The following IL23R variants were observed in gnomAD, a reference collection of about 807,000 sequenced individuals.
The protein encoded by IL23R is interleukin-23 receptor.
Under a neutral mutation model 56.9 loss-of-function variants are expected in IL23R, and 34 were observed. That is an observed-to-expected ratio of 0.60 (90% CI 0.45 to 0.80). IL23R has a LOEUF of 0.80. Among genes scored for constraint, IL23R ranks in the 30% least tolerant of loss-of-function variants. The probability of loss-of-function intolerance (pLI) is 0.00; values close to 1 mark genes in which losing one functional copy is unlikely to be tolerated. For synonymous variants in IL23R, 230 were observed against 249.2 expected (o/e 0.92, Z 0.73); for missense variants, 635 against 730.0 (o/e 0.87, Z 1.50).
chr1:67,226,789 G>A (rs1301151828), intron 7 of IL23R, among the ~76,000 whole-genome samples: 1 of 152,136 alleles, frequency 6.6e-6, no homozygotes, highest in Admixed American at 6.5e-5. Flanking sequence ...AGTAGTAGTG[G>A]TTTGGGTGAC....
chr1:67,184,274 G>T (rs962220319), intron 4 of IL23R, among the ~76,000 whole-genome samples: 2 of 143,608 alleles, frequency 1.4e-5, no homozygotes, highest in Non-Finnish European at 3.0e-5. Context: ...GGCTGGGCGC[G>T]GTGGCTCCCG....
chr1:67,254,008 A>G (rs1215434096), intron 9 of IL23R, among the ~76,000 whole-genome samples: 2 of 152,146 alleles, frequency 1.3e-5, no homozygotes, highest in Non-Finnish European at 2.9e-5. Context: ...CATTATCTAT[A>G]AAAGCCTTAG....
downstream of IL23R, chr1:67,260,101 G>A (rs1374778751): frequency 1.3e-5 from 2 of 151,314 alleles, no homozygotes; most frequent in African/African-American, 4.9e-5. Context: ...AATAAGTGAA[G>A]AATAGAAACA....
At chr1:67,208,276 G>GC (rs1649222839) in intron 6 of IL23R, among the ~76,000 whole-genome samples, 1 of 152,194 alleles carries the variant, frequency 6.6e-6, no homozygotes, top group African/African-American at 2.4e-5. Context: ...CCCATTCTGG[G>GC]GGGGAGAAAT....
intron 9 of IL23R, among the ~76,000 whole-genome samples, chr1:67,242,254 A>T (rs996447521): frequency 1.3e-5 from 2 of 152,240 alleles, no homozygotes; most frequent in African/African-American, 4.8e-5. Context: ...ACTATGAGGC[A>T]ATATATGAAC....
chr1:67,257,084 T>C (rs1252285379), intron 10 of IL23R, among the ~76,000 whole-genome samples: 1 of 152,062 alleles, frequency 6.6e-6, no homozygotes, highest in Non-Finnish European at 1.5e-5. Context: ...CTGAAGAAAA[T>C]TGGAATGACA....
intron 3 of IL23R, 99 bp from the exon 4 acceptor site, chr1:67,182,737 A>G (rs1230149814): frequency 1.6e-6 from 2 of 1,231,026 alleles, no homozygotes; most frequent in East Asian, 2.4e-5. Context: ...TCACGCTGGG[A>G]GCTGTAGACT....
intron 4 of IL23R, among the ~76,000 whole-genome samples, chr1:67,188,113 G>A (rs1344174281): frequency 6.6e-6 from 1 of 152,130 alleles, no homozygotes; most frequent in Non-Finnish European, 1.5e-5. Context: ...AATAGACATG[G>A]ACTTATTTAT....
intron 6 of IL23R, chr1:67,207,585 G>T (rs1030611987): frequency 6.0e-5 from 22 of 367,806 alleles, no homozygotes; most frequent in East Asian, 9.0e-5. Context: ...GATCTGATGC[G>T]TTTATCAGAG....
rs755379895 is a variant in IL23R, at chr1:67,259,039, G to A, written c.1801G>A (p.Val601Met). The change falls in exon 11 of 11, where the codon GTG becomes ATG. Residue 601 changes from valine (V) to methionine (M), a missense_variant. Coordinates refer to ENST00000347310, the MANE Select transcript of IL23R (RefSeq NM_144701.3). ...TGAATTTGTCTCCTGTTTGGGGATC[G>A]TGAATGAGGAGTTGCCATCTATTAA... Reference protein sequence around the residue: ...PDEFVSCLGIVNEELPSINTY... With the variant: ...PDEFVSCLGIMNEELPSINTY... The A allele has an allele frequency of 1.1e-5, 17 of 1,613,846 alleles. No homozygotes were observed. Among genetic ancestry groups the A allele is most frequent in the East Asian group, 4.5e-5 (2 of 44,886 alleles).
At chr1:67,265,617 C>G in the IL23R span, among the ~76,000 whole-genome samples, 1 of 152,120 alleles carries the variant, frequency 6.6e-6, no homozygotes, top group East Asian at 1.9e-4. Context: ...CACTAGTACA[C>G]CTATTCCTTT....
intron 1 of IL23R, among the ~76,000 whole-genome samples, chr1:67,154,017 T>G (rs1646751777): frequency 1.3e-5 from 2 of 152,158 alleles, no homozygotes; most frequent in Non-Finnish European, 2.9e-5. Context: ...ATCTGCCCGC[T>G]TCGTTCTCCC....
At chr1:67,251,962 C>T (rs761845619) in intron 9 of IL23R, among the ~76,000 whole-genome samples, 4 of 152,060 alleles carry the variant, frequency 2.6e-5, no homozygotes, top group Non-Finnish European at 5.9e-5. Context: ...AGTACCACCA[C>T]GTGGTTACAA....
At chr1:67,145,251 G>A (rs755711263) in intron 1 of IL23R, among the ~76,000 whole-genome samples, 6 of 152,170 alleles carry the variant, frequency 3.9e-5, no homozygotes, top group Non-Finnish European at 7.3e-5. Flanking sequence ...GGAGGCTGAG[G>A]CAGGAGGATC....
At chr1:67,239,601 A>G (rs1651723349) in intron 8 of IL23R, among the ~76,000 whole-genome samples, 1 of 152,168 alleles carries the variant, frequency 6.6e-6, no homozygotes, top group Non-Finnish European at 1.5e-5. Context: ...TGCAGCATAA[A>G]GGCAATTTTG....
chr1:67,184,972 T>C (rs1647247082), intron 4 of IL23R, among the ~76,000 whole-genome samples: 1 of 152,238 alleles, frequency 6.6e-6, no homozygotes, highest in Admixed American at 6.5e-5. Context: ...CCTTCTACCC[T>C]GTGAGGACAC....
upstream of IL23R, among the ~76,000 whole-genome samples, chr1:67,162,298 A>C (rs146520229): frequency 0.019 from 2,911 of 151,972 alleles, 87 homozygotes; most frequent in African/African-American, 0.066. Context: ...ACCCATCTCT[A>C]CTAAAAATAT....
intron 1 of IL23R, among the ~76,000 whole-genome samples, chr1:67,155,992 T>G (rs1264540225): frequency 3.3e-5 from 5 of 152,180 alleles, no homozygotes; most frequent in South Asian, 2.1e-4. Flanking sequence ...GCATCTTTTT[T>G]GTTGATATTG....
In IL23R at chr1:67,188,960, A is replaced by G. The variant is rs7538221; in HGVS notation, c.491+6001A>G. Among the ~76,000 whole-genome samples, 1,009 of 152,272 alleles carry G rather than the reference A, an allele frequency of 6.6e-3. 10 individuals carry two copies. The highest frequency in any genetic ancestry group is 0.023 in the African/African-American group (968 of 41,552). On this transcript the variant is annotated intron_variant, in intron 4 of 10. Transcript: ENST00000347310. ...CTATAGCAAAGGATATTATAATATT[A>G]TGGCCTAAGGGAAACCTGACCGATT...
Sources: gnomAD v4.1 joint callset for allele counts (sites outside exome capture counted in the v4.1 genomes callset) on GRCh38, gnomAD v4.1.1 for gene constraint, MANE v1.5 for transcripts, NCBI Gene and HGNC (gene_info 2026-07-23, HGNC 2026-07-21) for gene names.